CIITA: variants seen among roughly 807,000 people sequenced by gnomAD.
CIITA encodes class II major histocompatibility complex transactivator.
CIITA carries 72 observed loss-of-function variants against 115.1 expected under a neutral mutation model. The ratio of observed to expected loss-of-function variants is 0.63; its 90% CI spans 0.52 to 0.76. The LOEUF (loss-of-function observed/expected upper bound fraction) is 0.76, where lower values mean the gene tolerates loss of function less well. CIITA is among the 30% of genes least tolerant of loss of function. CIITA has a pLI of 0.00. For missense variants in CIITA, 1,617 were observed against 1,463.8 expected (o/e 1.10, Z -1.71); for synonymous variants, 763 against 635.6 (o/e 1.20, Z -3.02).
rs1161909195 is a variant in CIITA, at chr16:10,879,607, C to T, written c.52+2225C>T. Among the ~76,000 whole-genome samples the T allele has an allele frequency of 4.1e-5, 6 of 148,052 alleles. No homozygotes were observed. The highest frequency in any genetic ancestry group is 1.5e-4 in the African/African-American group (6 of 40,390). The stretch of plus-strand genomic sequence containing the variant: ...TAAGTCCTCAACTCTCGTTGAACAT[C>T]TTGGCGAAGGTGTGTGTTGTTGGGA... On this transcript the variant is annotated intron_variant, in intron 1 of 19. Transcript: ENST00000324288. This position sits in a 1 kb window ranked among gnomAD's most constrained non-coding sequence, Gnocchi z 4.3.
intron 10 of CIITA, among the ~76,000 whole-genome samples, chr16:10,905,783 G>C (rs927842389): frequency 1.3e-5 from 2 of 151,704 alleles, no homozygotes; most frequent in South Asian, 4.2e-4. Flanking sequence ...GAGAGAAAAG[G>C]TCTAAAAGGA....
intron 1 of CIITA, among the ~76,000 whole-genome samples, chr16:10,881,686 A>G (rs1337505942): frequency 6.6e-6 from 1 of 152,256 alleles, no homozygotes; most frequent in Admixed American, 6.5e-5. Flanking sequence ...CATATAACAT[A>G]AAATTTACCA....
chr16:10,872,814 A>G (rs1259220169), upstream of CIITA, among the ~76,000 whole-genome samples: 1 of 152,200 alleles, frequency 6.6e-6, no homozygotes, highest in Non-Finnish European at 1.5e-5. Context: ...CTCCCCATCC[A>G]GTGCTCTTTC....
rs777294112 is a variant in CIITA, at chr16:10,902,803, T to C, written c.772+2T>C. On this transcript the variant is annotated splice_donor_variant, in intron 8 of 19. Transcript: ENST00000324288. LOFTEE classifies it high-confidence loss of function. Reference sequence around the variant, plus strand: ...TCTCCAGTATATTCATCTACCATGGTGAGTGCGGGGCCTGGCTCCCCGACC... The same window carrying C: ...TCTCCAGTATATTCATCTACCATGGCGAGTGCGGGGCCTGGCTCCCCGACC... The C allele has an allele frequency of 1.2e-6, 2 of 1,614,018 alleles. No homozygotes were observed. Among genetic ancestry groups the C allele is most frequent in the East Asian group, 2.2e-5 (1 of 44,878 alleles).
chr16:10,939,596 G>T (rs1237277429), downstream of CIITA: 1 of 152,184 alleles, frequency 6.6e-6, no homozygotes, highest in Non-Finnish European at 1.5e-5. This position sits in a 1 kb window ranked among gnomAD's most constrained non-coding sequence, Gnocchi z 4.9. Context: ...ATCAAATTAA[G>T]GCTCAGCTCA....
rs1160836611 is a variant in CIITA at position 10,928,728 on chromosome 16, T to A, written c.*4873T>A. ...CCACACCCCAAATGCTGTCCCTGGC[T>A]TGTGGAGTGGGGCAGGGGGCCAGCC... On this transcript the variant is annotated 3_prime_UTR_variant, in exon 20 of 20. Transcript: ENST00000324288. The A allele has an allele frequency of 6.6e-6, 1 of 152,338 alleles. No homozygotes were observed. The highest frequency in any genetic ancestry group is 1.5e-5 in the Non-Finnish European group (1 of 68,126). 9.4% of individuals were successfully genotyped at this position (152,338 alleles called of 1,614,324 possible). A position where few individuals can be genotyped will look rare whatever the true frequency, so the allele number is the denominator to read the frequency against.
At chr16:10,896,561 A>C (rs988316883) in intron 3 of CIITA, among the ~76,000 whole-genome samples, 2 of 152,172 alleles carry the variant, frequency 1.3e-5, no homozygotes, top group African/African-American at 4.8e-5. Flanking sequence ...TCTCACCAGC[A>C]TCACCACCAC....
chr16:10,896,848 A>G (rs1457565669), intron 3 of CIITA, among the ~76,000 whole-genome samples: 1 of 152,242 alleles, frequency 6.6e-6, no homozygotes, highest in Non-Finnish European at 1.5e-5. Flanking sequence ...AAATCATACC[A>G]AGGAAGAAAA....
Position 10,907,175 on chromosome 16 carries a change from C to T in CIITA, c.1683C>T (p.Asp561=), listed in dbSNP as rs76686583. 3.4e-5 allele frequency: 55 copies of T among 1,613,234 alleles called. No individual in the cohort carries two copies. Among genetic ancestry groups the T allele is most frequent in the African/African-American group, 1.2e-4 (9 of 74,850 alleles). The change falls in exon 11 of 20, where the codon GAC becomes GAT. Residue 561 remains aspartate (D), a synonymous_variant. Coordinates refer to ENST00000324288, the MANE Select transcript of CIITA (RefSeq NM_000246.4). The surrounding 1 kb of genome is among the most constrained non-coding windows in gnomAD (Gnocchi z 5.0). Reference sequence around the variant, plus strand: ...TGGTCCAGAGCCTGAGCAAGGCCGACGCCCTATTTGAGCTGTCCGGCTTCT... The same window carrying T: ...TGGTCCAGAGCCTGAGCAAGGCCGATGCCCTATTTGAGCTGTCCGGCTTCT... ...GRLVQSLSKA[D]ALFELSGFSM... is the part of the protein sequence containing the mutation.
intron 13 of CIITA, among the ~76,000 whole-genome samples, chr16:10,912,950 A>C (rs1168467490): frequency 1.3e-5 from 2 of 152,250 alleles, no homozygotes; most frequent in Non-Finnish European, 2.9e-5. Flanking sequence ...CTGTCTGTCA[A>C]ATCAGGGTTC....
At chr16:10,909,312 T>G in intron 12 of CIITA, 125 bp downstream of exon 12, 1 of 989,696 alleles carries the variant, frequency 1.0e-6, no homozygotes, top group Non-Finnish European at 1.6e-6. Flanking sequence ...CATGCCCTCT[T>G]TCTGGGCAAT....
In CIITA at chr16:10,901,518, C is replaced by A. The variant is rs1391117434; in HGVS notation, c.441C>A (p.Phe147Leu). The A allele has an allele frequency of 6.2e-7, 1 of 1,613,962 alleles. No homozygotes were observed. Among genetic ancestry groups the A allele is most frequent in the Non-Finnish European group, 8.5e-7 (1 of 1,180,036 alleles). ...EVGQKSQKRP[F>L]PEELPADLKH... Reference sequence around the variant, plus strand: ...GATCACATGTTTTCTCTGCAGCCTTCCCAGAGGAGCTTCCGGCAGACCTGA... The same window carrying A: ...GATCACATGTTTTCTCTGCAGCCTTACCAGAGGAGCTTCCGGCAGACCTGA... The change falls in exon 6 of 20, where the codon TTC (phenylalanine) becomes TTA (leucine). Residue 147 changes from phenylalanine (F) to leucine (L), a missense_variant. By Grantham distance (22) the Phe-to-Leu change is conservative (BLOSUM62 0). Coordinates refer to ENST00000324288, the MANE Select transcript of CIITA (RefSeq NM_000246.4). The surrounding 1 kb of genome is among the most constrained non-coding windows in gnomAD (Gnocchi z 6.8).
At chr16:10,871,060 C>G (rs919199040) in intron 1 of CIITA, among the ~76,000 whole-genome samples, 2 of 152,382 alleles carry the variant, frequency 1.3e-5, no homozygotes, top group African/African-American at 4.8e-5. Flanking sequence ...TGTCCTCAGA[C>G]AGCCTGAGTG....
chr16:10,937,234 G>GT (rs2145424507), downstream of CIITA: 1 of 152,430 alleles, frequency 6.6e-6, no homozygotes, highest in Non-Finnish European at 1.5e-5. This position sits in a 1 kb window ranked among gnomAD's most constrained non-coding sequence, Gnocchi z 4.2. Context: ...TTGCCTCCCT[G>GT]TGTCACCATT....
chr16:10,898,569 A>T, intron 3 of CIITA, 101 bp from the exon 4 acceptor site: 1 of 821,144 alleles, frequency 1.2e-6, no homozygotes, highest in Non-Finnish European at 1.9e-6. Flanking sequence ...TTGAGTCCCC[A>T]CTGTGTGCCA....
intron 14 of CIITA, among the ~76,000 whole-genome samples, chr16:10,916,104 C>A (rs2039932692): frequency 1.3e-5 from 2 of 152,210 alleles, no homozygotes; most frequent in South Asian, 4.1e-4. Context: ...AGTTGCCAAG[C>A]CTCAGGGGCT....
At position 10,877,595 on chromosome 16, in the gene CIITA, A is replaced by T. The variant is rs975296490; in HGVS notation, c.52+213A>T. On this transcript the variant is annotated intron_variant, in intron 1 of 19. Transcript: ENST00000324288. The stretch of plus-strand genomic sequence containing the variant: ...TTCAGGTCAGCCAGGTGTCTGGAGT[A>T]TGAACCATGTATCAGCACCGAAAGG... 2.6e-5 allele frequency among the ~76,000 whole-genome samples: 4 copies of T among 152,188 alleles called. No individual in the cohort carries two copies. In the South Asian group the frequency reaches 8.3e-4, roughly 31 times the overall value.
chr16:10,908,174 G>A (rs1292271050), intron 11 of CIITA, 25 bp downstream of exon 11: 9 of 1,551,926 alleles, frequency 5.8e-6, no homozygotes, highest in African/African-American at 1.4e-5. Flanking sequence ...TTGGGGAAGA[G>A]ACATCCTTGT....
intron 15 of CIITA, among the ~76,000 whole-genome samples, chr16:10,917,195 A>C (rs535056471): frequency 9.2e-5 from 14 of 152,306 alleles, no homozygotes; most frequent in African/African-American, 3.4e-4. Flanking sequence ...TCTTTTTTTC[A>C]GACAAGGTCT....
Sources: gnomAD v4.1 joint callset for allele counts (sites outside exome capture counted in the v4.1 genomes callset) on GRCh38, gnomAD v4.1.1 for gene constraint, Gnocchi (gnomAD v3.1) non-coding constraint, MANE v1.5 for transcripts, NCBI Gene and HGNC (gene_info 2026-07-23, HGNC 2026-07-21) for gene names.